WDR19: variants seen among roughly 807,000 people sequenced by gnomAD.
WDR19 encodes the protein WD repeat domain 19.
WDR19 carries 121 observed loss-of-function variants against 180.0 expected under a neutral mutation model. The observed-to-expected ratio is 0.67, with a 90% confidence interval of 0.58 to 0.78. The LOEUF (loss-of-function observed/expected upper bound fraction) is 0.78. WDR19 is among the 30% of genes least tolerant of loss of function. The pLI is 0.00. For missense variants in WDR19, 1,450 were observed against 1,640.7 expected (o/e 0.88, Z 2.01); for synonymous variants, 497 against 540.7 (o/e 0.92, Z 1.12).
intron 14 of WDR19, among the ~76,000 whole-genome samples, chr4:39,223,260 G>C (rs1164531370): frequency 1.3e-5 from 2 of 152,154 alleles, no homozygotes; most frequent in Non-Finnish European, 2.9e-5. Flanking sequence ...GAATTTTATA[G>C]TGTGTAAATT....
chr4:39,189,095 G>A (rs944100266), intron 3 of WDR19, among the ~76,000 whole-genome samples: 96 of 152,082 alleles, frequency 6.3e-4, no homozygotes, highest in African/African-American at 2.2e-3. Flanking sequence ...GCTAATTTTT[G>A]TATTTTTTAG....
chr4:39,259,218 G>T (rs1013766648), intron 28 of WDR19, among the ~76,000 whole-genome samples: 1 of 152,168 alleles, frequency 6.6e-6, no homozygotes, highest in Non-Finnish European at 1.5e-5. Flanking sequence ...TAAGGTAGGG[G>T]TCAAGGATAT....
At chr4:39,205,934 TA>T in intron 9 of WDR19, 198 bp downstream of exon 9, 1 of 541,804 alleles carries the variant, frequency 1.8e-6, no homozygotes, top group Admixed American at 3.4e-5. Context: ...AAAAATAAAA[TA>T]GGTAGTTCTG....
At chr4:39,232,364 C>T (rs1730971353) in intron 19 of WDR19, 92 bp downstream of exon 19, 5 of 1,027,338 alleles carry the variant, frequency 4.9e-6, no homozygotes, top group Admixed American at 2.2e-5. Context: ...GCCGCTCACG[C>T]CTCTAATTCC....
At chr4:39,214,360 C>A (rs1280642666) in intron 9 of WDR19, among the ~76,000 whole-genome samples, 1 of 152,042 alleles carries the variant, frequency 6.6e-6, no homozygotes, top group Admixed American at 6.6e-5. Context: ...CAGGCACAAC[C>A]CTACCCGCCC....
At chr4:39,255,800 G>T in intron 26 of WDR19, 48 bp from the exon 27 acceptor site, 1 of 1,093,356 alleles carries the variant, frequency 9.1e-7, no homozygotes, top group Non-Finnish European at 1.3e-6. Flanking sequence ...GCAATAAAAG[G>T]TAAACAAATT....
chr4:39,194,829 T>C, intron 5 of WDR19, 170 bp downstream of exon 5: 1 of 574,168 alleles, frequency 1.7e-6, no homozygotes, highest in South Asian at 2.4e-5. Context: ...CCCTGTTCAC[T>C]GCTTACTAAG....
At chr4:39,245,061 T>A (rs28511868) in intron 23 of WDR19, among the ~76,000 whole-genome samples, 12,364 of 151,324 alleles carry the variant, frequency 0.082, 1,674 homozygotes, top group African/African-American at 0.28. Flanking sequence ...CTCAGCCTCC[T>A]GAGTAGCTGG....
intron 19 of WDR19, 36 bp from the exon 20 acceptor site, chr4:39,234,730 G>T: frequency 1.4e-6 from 2 of 1,392,556 alleles, no homozygotes; most frequent in Non-Finnish European, 2.0e-6. Context: ...AAATAATTTT[G>T]CTCATTTGAA....
chr4:39,233,197 A>G (rs1190366377), intron 19 of WDR19, among the ~76,000 whole-genome samples: 1 of 152,206 alleles, frequency 6.6e-6, no homozygotes, highest in African/African-American at 2.4e-5. Flanking sequence ...GCTAAGGACT[A>G]GTGTACCATC....
chr4:39,269,041 G>C (rs907213224), intron 30 of WDR19, among the ~76,000 whole-genome samples: 29 of 152,232 alleles, frequency 1.9e-4, no homozygotes, highest in African/African-American at 6.3e-4. Flanking sequence ...GGGAGCCAGA[G>C]TGCTGGGATT....
chr4:39,242,071 A>ATTTTTTTTTTTTTT (rs1732013488), intron 21 of WDR19, among the ~76,000 whole-genome samples: 1 of 151,218 alleles, frequency 6.6e-6, no homozygotes, highest in African/African-American at 2.4e-5. Context: ...ATCTGTCTTA[A>ATTTTTTTTTTTTTT]TCTTTTTATT....
chr4:39,270,653 C>T (rs1313625348), intron 31 of WDR19, among the ~76,000 whole-genome samples: 1 of 152,192 alleles, frequency 6.6e-6, no homozygotes, highest in Non-Finnish European at 1.5e-5. Flanking sequence ...GCTGGGATTA[C>T]AGGCATGAGC....
At chr4:39,252,160 A>C (rs1055801943) in intron 24 of WDR19, among the ~76,000 whole-genome samples, 3 of 152,050 alleles carry the variant, frequency 2.0e-5, no homozygotes, top group Non-Finnish European at 2.9e-5. Context: ...CATATACATC[A>C]TGGAATACTA....
chr4:39,238,111 C>G (rs1268345853), intron 20 of WDR19: 2 of 152,156 alleles, frequency 1.3e-5, no homozygotes, highest in Non-Finnish European at 2.9e-5. Context: ...GTACACACAC[C>G]CTAGCCCCCA....
intron 36 of WDR19, among the ~76,000 whole-genome samples, chr4:39,281,290 T>C (rs1411164830): frequency 6.7e-6 from 1 of 150,018 alleles, no homozygotes; most frequent in Non-Finnish European, 1.5e-5. Context: ...CAGGAACATA[T>C]TTTTCTGTTT....
At chr4:39,218,170 C>T in intron 14 of WDR19, 65 bp downstream of exon 14, 1 of 1,537,296 alleles carries the variant, frequency 6.5e-7, no homozygotes. Flanking sequence ...TGATCTCAGT[C>T]ATTCTCTTTT....
chr4:39,183,859 G>C (rs1469045035), intron 1 of WDR19, among the ~76,000 whole-genome samples: 1 of 152,004 alleles, frequency 6.6e-6, no homozygotes, highest in Non-Finnish European at 1.5e-5. Flanking sequence ...CATCTATAGA[G>C]CTCCACTGAA....
intron 20 of WDR19, among the ~76,000 whole-genome samples, chr4:39,238,768 A>G (rs1359388877): frequency 1.3e-5 from 2 of 150,072 alleles, no homozygotes; most frequent in African/African-American, 2.4e-5. Flanking sequence ...CTGATAAAGT[A>G]GTGATGAGGT....
Sources: allele counts gnomAD v4.1 joint callset (sites outside exome capture counted in the v4.1 genomes callset), GRCh38; gene constraint gnomAD v4.1.1; transcripts MANE v1.5; gene names NCBI Gene and HGNC (gene_info 2026-07-23, HGNC 2026-07-21).